DIAPH2: variants seen among roughly 807,000 people sequenced by gnomAD.
DIAPH2 encodes the protein diaphanous related formin 2.
Under a neutral mutation model 92.7 loss-of-function variants are expected in DIAPH2, and 35 were observed. The ratio of observed to expected loss-of-function variants is 0.38; its 90% CI spans 0.29 to 0.50. DIAPH2 has a LOEUF of 0.50. Ranked by LOEUF, DIAPH2 falls within the 20% of genes least tolerant of loss-of-function variation. The pLI, the probability that DIAPH2 is intolerant of heterozygous loss-of-function variation, is 0.94. For missense variants in DIAPH2, 701 were observed against 819.5 expected, an observed-to-expected ratio of 0.86 and a Z score of 1.77; for synonymous variants, 301 against 280.4, an observed-to-expected ratio of 1.07 and a Z score of -0.73.
intron 22 of DIAPH2, among the ~76,000 whole-genome samples, chrX:97,243,643 G>A (rs769452394): frequency 2.7e-5 from 3 of 111,553 alleles, no homozygotes; most frequent in Non-Finnish European, 5.6e-5. Context: ...AAGAATGGAG[G>A]AGCCTAAGAA....
chrX:96,908,485 A>G (rs1482817114), intron 5 of DIAPH2, among the ~76,000 whole-genome samples: 3 of 111,706 alleles, frequency 2.7e-5, no homozygotes. Flanking sequence ...CAGGTCATCA[A>G]CTGTATTCTT....
intron 25 of DIAPH2, among the ~76,000 whole-genome samples, chrX:97,404,143 A>G (rs1240611916): frequency 8.9e-6 from 1 of 111,838 alleles, no homozygotes; most frequent in East Asian, 2.8e-4. Flanking sequence ...ATGAGCCACC[A>G]CGCCTGGCCT....
At chrX:97,515,369 T>C (rs2070936993) in intron 26 of DIAPH2, among the ~76,000 whole-genome samples, 1 of 112,707 alleles carries the variant, frequency 8.9e-6, no homozygotes, top group Non-Finnish European at 1.9e-5. Context: ...CTGCTTCGGC[T>C]TGCGCACGGT....
chrX:96,813,357 T>G (rs1350230190), intron 4 of DIAPH2, among the ~76,000 whole-genome samples: 3 of 110,746 alleles, frequency 2.7e-5, no homozygotes, highest in Non-Finnish European at 5.7e-5. Flanking sequence ...TCTTTTTTTT[T>G]TTGCTTTCCA....
chrX:96,894,125 C>G (rs1272641108), intron 5 of DIAPH2, among the ~76,000 whole-genome samples: 2 of 111,336 alleles, frequency 1.8e-5, no homozygotes, highest in African/African-American at 6.6e-5. Flanking sequence ...GAATTTCAAG[C>G]CTTTCATATA....
intron 22 of DIAPH2, among the ~76,000 whole-genome samples, chrX:97,173,769 G>A (rs1327228991): frequency 1.8e-5 from 2 of 109,882 alleles, no homozygotes; most frequent in Admixed American, 2.0e-4. Context: ...TTAGCTGAGT[G>A]TGGTGGCATG....
chrX:97,301,882 C>T (rs371101735), intron 23 of DIAPH2, among the ~76,000 whole-genome samples: 4 of 110,955 alleles, frequency 3.6e-5, no homozygotes, highest in South Asian at 7.7e-4. Context: ...ACTGTATACC[C>T]CAGTCAATAA....
rs1252004974 is a variant in DIAPH2 at position 97,170,312 on chromosome X, A to G, written c.2719+28518A>G. 2.7e-5 allele frequency among the ~76,000 whole-genome samples: 3 copies of G among 112,100 alleles called. No individual in the cohort carries two copies. In the South Asian group the frequency reaches 1.1e-3, roughly 42 times the overall value. On this transcript the variant is annotated intron_variant, in intron 22 of 26. Coordinates refer to ENST00000324765, the MANE Select transcript of DIAPH2 (RefSeq NM_006729.5). ...CCTGGTGTGTGATCCATGACATACT[A>G]TAATGTTTAGAGTTCTAGAAGATGA...
chrX:97,132,869 T>C (rs1423611189), intron 21 of DIAPH2, among the ~76,000 whole-genome samples: 1 of 111,714 alleles, frequency 9.0e-6, no homozygotes, highest in Non-Finnish European at 1.9e-5. Context: ...TTGTGTGATG[T>C]TGCTATGTGT....
intron 4 of DIAPH2, among the ~76,000 whole-genome samples, chrX:96,787,686 C>CTTTTTTTTTTT (rs56998803): frequency 3.7e-5 from 2 of 54,735 alleles, no homozygotes; most frequent in Non-Finnish European, 6.0e-5. Flanking sequence ...ACTCTTTTCT[C>CTTTTTTTTTTT]TTTTTTTTTT....
intron 24 of DIAPH2, among the ~76,000 whole-genome samples, chrX:97,351,262 C>T (rs1372821999): frequency 1.8e-5 from 2 of 112,312 alleles, no homozygotes; most frequent in African/African-American, 6.5e-5. Flanking sequence ...GAAACCTATG[C>T]TATACAGATG....
At chrX:97,326,770 G>C (rs1443673770) in intron 23 of DIAPH2, among the ~76,000 whole-genome samples, 1 of 112,453 alleles carries the variant, frequency 8.9e-6, no homozygotes, top group Non-Finnish European at 1.9e-5. Flanking sequence ...CAGCATTGCA[G>C]TTTGCAAAGA....
At chrX:96,807,981 A>AAAAAAAAAAAAAAAAT (rs2064642749) in intron 4 of DIAPH2, among the ~76,000 whole-genome samples, 1 of 69,643 alleles carries the variant, frequency 1.4e-5, no homozygotes, top group Non-Finnish European at 2.7e-5. Context: ...AAAAAAAAAA[A>AAAAAAAAAAAAAAAAT]AAGTCTCCTT....
intron 23 of DIAPH2, among the ~76,000 whole-genome samples, chrX:97,274,652 GTTTGTT>G (rs2068422953): frequency 1.1e-5 from 1 of 91,880 alleles, no homozygotes; most frequent in Non-Finnish European, 2.2e-5. Context: ...TTGTTTTTTT[GTTTGTT>G]TTTATTGATC....
At chrX:97,044,440 C>T (rs911776662) in intron 17 of DIAPH2, among the ~76,000 whole-genome samples, 1 of 111,283 alleles carries the variant, frequency 9.0e-6, no homozygotes, top group Non-Finnish European at 1.9e-5. Context: ...TGTTTGATGA[C>T]CTACCTCATA....
intron 1 of DIAPH2, among the ~76,000 whole-genome samples, chrX:96,718,336 GTTTTTTTT>G (rs962776012): frequency 6.0e-3 from 66 of 10,981 alleles, no homozygotes; most frequent in African/African-American, 0.029. Context: ...CATTTTCTTT[GTTTTTTTT>G]TTTTTTTTTT....
At chrX:97,312,538 C>T (rs1237934901) in intron 23 of DIAPH2, among the ~76,000 whole-genome samples, 1 of 108,802 alleles carries the variant, frequency 9.2e-6, no homozygotes, top group Admixed American at 1.0e-4. Flanking sequence ...TTAGTAGAGA[C>T]GGGGTTTTGC....
At chrX:97,308,713 C>T (rs1174076277) in intron 23 of DIAPH2, among the ~76,000 whole-genome samples, 2 of 102,317 alleles carry the variant, frequency 2.0e-5, no homozygotes, top group African/African-American at 3.5e-5. Context: ...CTCGGCCTCC[C>T]GGGTTCACAC....
chrX:97,392,036 T>G (rs928309593), intron 25 of DIAPH2, among the ~76,000 whole-genome samples: 4 of 111,774 alleles, frequency 3.6e-5, no homozygotes, highest in Non-Finnish European at 7.5e-5. Context: ...ATAGATATGA[T>G]TAAATATTAA....
Sources: allele counts gnomAD v4.1 joint callset (sites outside exome capture counted in the v4.1 genomes callset), GRCh38; gene constraint gnomAD v4.1.1; transcripts MANE v1.5; gene names NCBI Gene and HGNC (gene_info 2026-07-23, HGNC 2026-07-21).